The following SKIC3 variants were observed in gnomAD, a reference collection of about 807,000 sequenced individuals.
SKIC3 encodes the protein SKI3 subunit of superkiller complex, also known as superkiller complex protein 3.
At chr5:95,541,054 C>T in the SKIC3 span, among the ~76,000 whole-genome samples, 1 of 152,160 alleles carries the variant, frequency 6.6e-6, no homozygotes, top group Non-Finnish European at 1.5e-5. Flanking sequence ...ACAACATCTG[C>T]CTCCTGGGTT....
chr5:95,536,876 TTTATCATTCCTTCAC>T, the SKIC3 span: 2 of 1,613,724 alleles, frequency 1.2e-6, no homozygotes, highest in Non-Finnish European at 1.7e-6. Flanking sequence ...AGGATAGATG[TTTATCATTCCTTCAC>T]AGGCCTTCTT....
At chr5:95,499,795 T>C in the SKIC3 span, among the ~76,000 whole-genome samples, 1 of 152,168 alleles carries the variant, frequency 6.6e-6, no homozygotes, top group African/African-American at 2.4e-5. Context: ...CAAACGAGTA[T>C]TTTTATAATT....
the SKIC3 span, chr5:95,536,497 C>A: frequency 3.2e-6 from 1 of 315,054 alleles, no homozygotes. Flanking sequence ...TCTGCTCATG[C>A]CAGCTGGAAT....
At chr5:95,489,325 G>A in the SKIC3 span, among the ~76,000 whole-genome samples, 4 of 151,838 alleles carry the variant, frequency 2.6e-5, no homozygotes. Flanking sequence ...TTGATTATGT[G>A]TGCTTACGTG....
At chr5:95,492,762 T>C in the SKIC3 span, among the ~76,000 whole-genome samples, 2 of 135,912 alleles carry the variant, frequency 1.5e-5, no homozygotes, top group African/African-American at 2.8e-5. Context: ...TGAAGTAGAC[T>C]CAATCTCTGA....
chr5:95,543,469 G>T, the SKIC3 span: 1 of 938,672 alleles, frequency 1.1e-6, no homozygotes, highest in Non-Finnish European at 1.6e-6. Context: ...TAACCTATCT[G>T]GTTTCAGTTT....
the SKIC3 span, chr5:95,525,634 T>G: frequency 6.2e-7 from 1 of 1,614,086 alleles, no homozygotes; most frequent in Non-Finnish European, 8.5e-7. Flanking sequence ...GCCAAGCTTT[T>G]GAGAACCAAA....
At chr5:95,473,002 T>A in the SKIC3 span, among the ~76,000 whole-genome samples, 1 of 152,158 alleles carries the variant, frequency 6.6e-6, no homozygotes, top group Admixed American at 6.5e-5. Context: ...TTTCTTTATC[T>A]AATCCACTAT....
At chr5:95,529,529 C>A in the SKIC3 span, among the ~76,000 whole-genome samples, 6 of 152,150 alleles carry the variant, frequency 3.9e-5, no homozygotes, top group African/African-American at 1.2e-4. Context: ...ACACTTCATT[C>A]TCAAACCCTG....
At chr5:95,521,939 C>CT in the SKIC3 span, 7 of 1,317,314 alleles carry the variant, frequency 5.3e-6, no homozygotes, top group Middle Eastern at 7.7e-4. Context: ...TGGATGCTTG[C>CT]TGTTGACTAA....
At chr5:95,536,062 C>T in the SKIC3 span, among the ~76,000 whole-genome samples, 1 of 152,196 alleles carries the variant, frequency 6.6e-6, no homozygotes, top group African/African-American at 2.4e-5. Context: ...CAGCCAACCT[C>T]TTGTTAACTG....
At chr5:95,492,418 C>T in the SKIC3 span, among the ~76,000 whole-genome samples, 1 of 151,020 alleles carries the variant, frequency 6.6e-6, no homozygotes, top group Non-Finnish European at 1.5e-5. Context: ...GGGCGGATCA[C>T]GAGGTCAAGA....
the SKIC3 span, among the ~76,000 whole-genome samples, chr5:95,475,718 G>A: frequency 6.6e-5 from 10 of 152,188 alleles, no homozygotes; most frequent in Non-Finnish European, 1.3e-4. Context: ...AAAGAGCCAG[G>A]GCTCTGTACA....
the SKIC3 span, chr5:95,468,009 A>T: frequency 6.2e-7 from 1 of 1,612,384 alleles, no homozygotes; most frequent in Non-Finnish European, 8.5e-7. Flanking sequence ...AAAAATTTAC[A>T]TTTAGTCCAA....
At chr5:95,483,880 T>A in the SKIC3 span, among the ~76,000 whole-genome samples, 11 of 152,196 alleles carry the variant, frequency 7.2e-5, no homozygotes, top group Admixed American at 2.6e-4. Flanking sequence ...CTGAGTAGAT[T>A]CCAGTCACCC....
chr5:95,542,056 T>A, the SKIC3 span: 3 of 646,758 alleles, frequency 4.6e-6, no homozygotes, highest in African/African-American at 3.7e-5. Flanking sequence ...CTGTCTGAGA[T>A]TTGCCTCTAA....
chr5:95,500,352 C>A, the SKIC3 span, among the ~76,000 whole-genome samples: 1 of 152,180 alleles, frequency 6.6e-6, no homozygotes, highest in African/African-American at 2.4e-5. Context: ...AATTAGGCTT[C>A]ATCAAACAAT....
chr5:95,529,488 A>G, the SKIC3 span: 1 of 313,550 alleles, frequency 3.2e-6, no homozygotes, highest in Non-Finnish European at 6.2e-6. Context: ...AGGCCCTTCT[A>G]CAATCTCACT....
At chr5:95,529,350 A>G in the SKIC3 span, 1 of 543,316 alleles carries the variant, frequency 1.8e-6, no homozygotes, top group Middle Eastern at 5.0e-4. Flanking sequence ...ACCCCAATGC[A>G]TTCTTTACAC....
Sources: gnomAD v4.1 joint callset for allele counts (sites outside exome capture counted in the v4.1 genomes callset) on GRCh38, gnomAD v4.1.1 for gene constraint, MANE v1.5 for transcripts, NCBI Gene and HGNC (gene_info 2026-07-23, HGNC 2026-07-21) for gene names.